The following XG variants were observed in gnomAD, a reference collection of about 807,000 sequenced individuals.
The protein encoded by XG is glycoprotein Xg.
A neutral mutation model predicts 25.7 loss-of-function variants in XG; 24 were observed. That is an observed-to-expected ratio of 0.93 (90% CI 0.68 to 1.31). The LOEUF is 1.31. Among genes scored for constraint, XG ranks in the 40% most tolerant of loss-of-function variants. The probability of loss-of-function intolerance (pLI) is 0.00; values close to 1 mark genes in which losing one functional copy is unlikely to be tolerated. For missense variants in XG, 181 were observed against 187.6 expected, an observed-to-expected ratio of 0.96 and a Z score of 0.21; for synonymous variants, 77 against 69.2, an observed-to-expected ratio of 1.11 and a Z score of -0.56.
At chrX:2,801,034 C>T (rs1041297412) in intron 7 of XG, among the ~76,000 whole-genome samples, 1 of 105,573 alleles carries the variant, frequency 9.5e-6, no homozygotes. Context: ...TTCAACTCAA[C>T]GTACTATGAG....
intron 1 of XG, among the ~76,000 whole-genome samples, chrX:2,765,376 G>GGGAGGGAAGGAAGGAAGGAAGGAA (rs1328694787): frequency 6.9e-6 from 1 of 144,024 alleles, no homozygotes; most frequent in African/African-American, 2.6e-5. Flanking sequence ...GAGGGAGGGA[G>GGGAGGGAAGGAAGGAAGGAAGGAA]GGAAGGAAGG....
chrX:2,759,859 G>A (rs985496765), intron 1 of XG, among the ~76,000 whole-genome samples: 15 of 152,336 alleles, frequency 9.8e-5, no homozygotes, highest in Middle Eastern at 3.4e-3. Flanking sequence ...GGGGCCAGAG[G>A]CACCTAAACC....
intron 4 of XG, among the ~76,000 whole-genome samples, chrX:2,786,821 G>A (rs1388971800): frequency 2.7e-5 from 3 of 111,195 alleles, no homozygotes; most frequent in African/African-American, 9.8e-5. Context: ...ACAGAGGAAA[G>A]ATTATATGAA....
At chrX:2,778,499 G>A (rs975871409) in intron 3 of XG, among the ~76,000 whole-genome samples, 4 of 152,002 alleles carry the variant, frequency 2.6e-5, no homozygotes, top group South Asian at 2.1e-4. Context: ...CCATGATCAC[G>A]CCACTGCACT....
At chrX:2,767,672 C>T (rs764102687) in intron 1 of XG, among the ~76,000 whole-genome samples, 15 of 152,228 alleles carry the variant, frequency 9.9e-5, no homozygotes, top group Admixed American at 9.2e-4. Flanking sequence ...ACTCCAGACC[C>T]GTGAGGACCC....
chrX:2,771,860 A>G (rs986766849), intron 2 of XG, among the ~76,000 whole-genome samples: 3 of 152,176 alleles, frequency 2.0e-5, no homozygotes, highest in African/African-American at 7.2e-5. Flanking sequence ...CAGATACAAA[A>G]TTGTTGTCAG....
At chrX:2,791,324 AG>A (rs1439328677) in intron 5 of XG, among the ~76,000 whole-genome samples, 26 of 111,457 alleles carry the variant, frequency 2.3e-4, no homozygotes, top group Non-Finnish European at 4.5e-4. Context: ...AACCATTGGG[AG>A]TTCCCCTGAT....
intron 4 of XG, 41 bp from the exon 5 acceptor site, chrX:2,789,603 T>C (rs369329537): frequency 1.2e-4 from 109 of 947,242 alleles, no homozygotes; most frequent in Non-Finnish European, 1.6e-4. Flanking sequence ...ACCTGAAAGA[T>C]GTCATTATTT....
intron 1 of XG, among the ~76,000 whole-genome samples, chrX:2,756,982 A>G (rs1268883921): frequency 6.6e-6 from 1 of 152,200 alleles, no homozygotes; most frequent in East Asian, 1.9e-4. Flanking sequence ...CTTGTCCAGC[A>G]TCCAGGAAGA....
At chrX:2,796,488 G>GTGTGTGTGTA (rs1555894182) in intron 6 of XG, among the ~76,000 whole-genome samples, 2 of 102,504 alleles carry the variant, frequency 2.0e-5, no homozygotes, top group African/African-American at 8.2e-5. Context: ...GTGTGTGTGT[G>GTGTGTGTGTA]TATATATATA....
chrX:2,770,622 C>A, intron 2 of XG, 31 bp downstream of exon 2: 2 of 1,613,560 alleles, frequency 1.2e-6, no homozygotes, highest in Non-Finnish European at 1.7e-6. Context: ...GGGAGCCTTC[C>A]CTTTTCAGCT....
chrX:2,778,433 T>C (rs2051047862), intron 3 of XG, among the ~76,000 whole-genome samples: 1 of 152,062 alleles, frequency 6.6e-6, no homozygotes, highest in Non-Finnish European at 1.5e-5. Context: ...TAGTCCCAGT[T>C]ACTCAGGAGG....
intron 1 of XG, among the ~76,000 whole-genome samples, chrX:2,755,531 T>A: frequency 6.6e-6 from 1 of 152,150 alleles, no homozygotes; most frequent in Non-Finnish European, 1.5e-5. Flanking sequence ...AGACCTTCAG[T>A]CTCATCCTGT....
chrX:2,809,552 AG>A (rs981047510), intron 9 of XG, among the ~76,000 whole-genome samples: 3 of 112,341 alleles, frequency 2.7e-5, no homozygotes, highest in Non-Finnish European at 5.6e-5. Context: ...AGAGAGGAAA[AG>A]GTATGTATCA....
At chrX:2,758,529 G>A (rs1014001865) in intron 1 of XG, among the ~76,000 whole-genome samples, 2 of 152,178 alleles carry the variant, frequency 1.3e-5, no homozygotes, top group Admixed American at 6.5e-5. Context: ...TCTCCAATTC[G>A]GTGATGTGTC....
chrX:2,794,554 C>T lies in XG; in HGVS notation c.273C>T (p.Asp91=). Residue 91 remains aspartate (D), a synonymous_variant, in exon 6 of 11, where the codon GAC becomes GAT. Transcript: ENST00000644266. ...GNSGGYFNDV[D]RDDGRYPPRP... is the part of the protein sequence containing the mutation. The stretch of plus-strand genomic sequence containing the variant: ...CCACAGGTTACTTCAATGATGTGGA[C>T]CGTGATGACGGACGCTACCCGCCCA... 8.3e-7 allele frequency: 1 copy of T among 1,211,488 alleles called. No homozygotes were observed. Among genetic ancestry groups the T allele is most frequent in the Non-Finnish European group, 1.1e-6 (1 of 895,383 alleles).
intron 1 of XG, among the ~76,000 whole-genome samples, chrX:2,753,810 G>C (rs1162576375): frequency 6.6e-6 from 1 of 151,974 alleles, no homozygotes; most frequent in Non-Finnish European, 1.5e-5. Context: ...CTTGAATCTT[G>C]ACCTCTGGTG....
At chrX:2,776,985 T>C (rs1603307286) in intron 3 of XG, among the ~76,000 whole-genome samples, 2 of 152,312 alleles carry the variant, frequency 1.3e-5, no homozygotes, top group Admixed American at 1.3e-4. Flanking sequence ...GAATTGAAAA[T>C]GCAGCTAAAT....
intron 1 of XG, among the ~76,000 whole-genome samples, chrX:2,762,662 A>G (rs1012803512): frequency 5.3e-5 from 8 of 152,244 alleles, no homozygotes; most frequent in Non-Finnish European, 1.2e-4. Flanking sequence ...CCCTTGGCAA[A>G]CAAGCCCCCC....
Sources: gnomAD v4.1 joint callset for allele counts (sites outside exome capture counted in the v4.1 genomes callset) on GRCh38, gnomAD v4.1.1 for gene constraint, MANE v1.5 for transcripts, NCBI Gene and HGNC (gene_info 2026-07-23, HGNC 2026-07-21) for gene names.